Variants in TXK observed in about 807,000 individuals in gnomAD.
TXK encodes the protein tyrosine-protein kinase TXK.
In TXK, 60 loss-of-function variants were observed where a neutral mutation model predicts 81.0. The ratio of observed to expected loss-of-function variants is 0.74; its 90% CI spans 0.60 to 0.92. The LOEUF (loss-of-function observed/expected upper bound fraction) is 0.92. Ranked by LOEUF, TXK falls within the 40% of genes least tolerant of loss-of-function variation. The pLI is 0.00. For missense variants in TXK, 581 were observed against 638.3 expected, an observed-to-expected ratio of 0.91 and a Z score of 0.97; for synonymous variants, 203 against 210.7, an observed-to-expected ratio of 0.96 and a Z score of 0.32.
At position 48,071,548 on chromosome 4, in the gene TXK, A is replaced by G; in HGVS notation, c.1484T>C (p.Ile495Thr). Reference protein sequence around the residue: ...LYRPHLAPMSIYEVMYSCWHE... With the variant: ...LYRPHLAPMSTYEVMYSCWHE... ...CCAGCAGCTGTACATGACTTCATATATGGACATTGGTGCCAGGTGAGGGCG... is the reference window on the plus strand; with the variant it reads ...CCAGCAGCTGTACATGACTTCATATGTGGACATTGGTGCCAGGTGAGGGCG... The change falls in exon 14 of 15, where the codon ATA becomes ACA. Residue 495 changes from isoleucine to threonine, a missense_variant. Physicochemically the swap from Ile to Thr is moderately conservative, Grantham distance 89. Transcript: ENST00000264316. 1 of 1,614,132 alleles carries G rather than the reference A, an allele frequency of 6.2e-7. No individual in the cohort carries two copies. Among genetic ancestry groups the G allele is most frequent in the Non-Finnish European group, 8.5e-7 (1 of 1,180,004 alleles).
chr4:48,133,040 T>C (rs1030167425), intron 1 of TXK, among the ~76,000 whole-genome samples: 2 of 152,338 alleles, frequency 1.3e-5, no homozygotes, highest in South Asian at 2.1e-4. Flanking sequence ...ATTTTCTTAT[T>C]GGCTAGATAA....
chr4:48,080,662 T>TCTCA (rs370259787), intron 10 of TXK, among the ~76,000 whole-genome samples: 4 of 144,576 alleles, frequency 2.8e-5, no homozygotes, highest in Non-Finnish European at 4.5e-5. Context: ...TATTTGGTAA[T>TCTCA]CACACACACA....
rs772352230 is a variant in TXK, at chr4:48,071,688, T to C, written c.1358-14A>G. ...ACATTAAAACTCCTGCAAACAAAAA[T>C]GCAGGAAAACAAGGGGTTAGAGAGA... is the stretch of plus-strand genomic sequence containing the variant. On this transcript the variant is annotated splice_polypyrimidine_tract_variant and intron_variant, in intron 13 of 14. Coordinates refer to ENST00000264316, the MANE Select transcript of TXK (RefSeq NM_003328.3). The C allele has an allele frequency of 6.2e-7, 1 of 1,613,104 alleles. No individual in the cohort carries two copies. Among genetic ancestry groups the C allele is most frequent in the Admixed American group, 1.7e-5 (1 of 59,864 alleles).
At chr4:48,115,213 A>C (rs28625471) in intron 1 of TXK, among the ~76,000 whole-genome samples, 5 of 151,682 alleles carry the variant, frequency 3.3e-5, no homozygotes, top group African/African-American at 1.2e-4. Flanking sequence ...CCTCCACCCC[A>C]CAACAGGCCC....
chr4:48,089,699 T>C, intron 9 of TXK, 51 bp downstream of exon 9: 2 of 1,481,840 alleles, frequency 1.3e-6, no homozygotes. Context: ...GCCAGGTAGA[T>C]TCTTTACTAC....
At chr4:48,126,893 C>T (rs554157697) in intron 1 of TXK, among the ~76,000 whole-genome samples, 11 of 152,168 alleles carry the variant, frequency 7.2e-5, no homozygotes, top group Non-Finnish European at 1.5e-4. Context: ...GCTCCCTGAC[C>T]TCACAACACA....
At chr4:48,089,558 T>C (rs1033924901) in intron 9 of TXK, 192 bp downstream of exon 9, 1 of 410,468 alleles carries the variant, frequency 2.4e-6, no homozygotes, top group Non-Finnish European at 4.7e-6. Flanking sequence ...ACCCGGCTAA[T>C]TTTTTGTATT....
Position 48,067,562 on chromosome 4 carries a change from C to A in TXK, c.*75G>T. On this transcript the variant is annotated 3_prime_UTR_variant, in exon 15 of 15. Coordinates refer to ENST00000264316, the MANE Select transcript of TXK (RefSeq NM_003328.3). ...GAAGAAAGATATTCACCATAAGTGA[C>A]CCCATATGGTGAAGATATTCACAAT... 7.2e-7 allele frequency: 1 copy of A among 1,389,124 alleles called. No homozygotes were observed. Among genetic ancestry groups the A allele is most frequent in the African/African-American group, 1.4e-5 (1 of 71,012 alleles). The allele number at this position is 1,389,124 out of a possible 1,614,324, so 86.0% of individuals were successfully genotyped here. A position where few individuals can be genotyped will look rare whatever the true frequency, so the allele number is the denominator to read the frequency against.
At chr4:48,070,665 G>A (rs912979840) in intron 14 of TXK, among the ~76,000 whole-genome samples, 40 of 152,030 alleles carry the variant, frequency 2.6e-4, no homozygotes, top group African/African-American at 9.6e-4. Context: ...TGTAGCCTTT[G>A]CCTCCTGGGT....
chr4:48,113,224 A>G lies in TXK; in HGVS notation c.157T>C (p.Leu53=), dbSNP rs766595528. The stretch of plus-strand genomic sequence containing the variant: ...ATACTTACTTGCTTCTTATTTGACA[A>G]TTGGCTGAGCCACGGCCTGCGACGC... ...TQRRRPWLSQ[L]SNKKQSNTGR... Residue 53 remains leucine (L), a synonymous_variant, in exon 3 of 15, where the codon TTG becomes CTG. Coordinates refer to ENST00000264316, the MANE Select transcript of TXK (RefSeq NM_003328.3). 2.5e-6 allele frequency: 4 copies of G among 1,613,190 alleles called. No homozygotes were observed. The highest frequency in any genetic ancestry group is 3.4e-6 in the Non-Finnish European group (4 of 1,179,424).
At chr4:48,119,798 TC>T (rs1485545843) in intron 1 of TXK, among the ~76,000 whole-genome samples, 1 of 152,198 alleles carries the variant, frequency 6.6e-6, no homozygotes, top group Non-Finnish European at 1.5e-5. Context: ...ACTTAAGGAC[TC>T]TGTTGACTTT....
chr4:48,104,991 A>G (rs1267627104), intron 5 of TXK, 36 bp from the exon 6 acceptor site: 9 of 1,480,350 alleles, frequency 6.1e-6, no homozygotes, highest in Non-Finnish European at 7.3e-6. Flanking sequence ...TAAATTTTAT[A>G]TTCAATTTTT....
chr4:48,076,487 T>A, intron 11 of TXK, 21 bp from the exon 12 acceptor site: 1 of 1,601,760 alleles, frequency 6.2e-7, no homozygotes, highest in Non-Finnish European at 8.5e-7. Context: ...AAGAAAAGAA[T>A]CCAAGTTTGA....
At chr4:48,129,724 T>G (rs1279533560) in intron 1 of TXK, among the ~76,000 whole-genome samples, 1 of 152,218 alleles carries the variant, frequency 6.6e-6, no homozygotes, top group Non-Finnish European at 1.5e-5. Context: ...CAATTTTTCT[T>G]TCTTTCTCAG....
At chr4:48,119,809 T>G (rs770272589) in intron 1 of TXK, among the ~76,000 whole-genome samples, 1 of 152,192 alleles carries the variant, frequency 6.6e-6, no homozygotes, top group African/African-American at 2.4e-5. Flanking sequence ...CTGTTGACTT[T>G]GGCAGGAATG....
chr4:48,124,463 G>C (rs1241537086), intron 1 of TXK, among the ~76,000 whole-genome samples: 7 of 150,696 alleles, frequency 4.6e-5, no homozygotes, highest in Admixed American at 1.3e-4. Context: ...CTTCTCCCTA[G>C]CTTCTAGCAT....
chr4:48,082,411 A>C (rs1717343196), intron 10 of TXK, among the ~76,000 whole-genome samples: 1 of 152,200 alleles, frequency 6.6e-6, no homozygotes, highest in South Asian at 2.1e-4. Flanking sequence ...TTTCATCTGC[A>C]TAATAAACAC....
chr4:48,087,396 T>A (rs1717574663), intron 9 of TXK, among the ~76,000 whole-genome samples: 1 of 152,058 alleles, frequency 6.6e-6, no homozygotes, highest in South Asian at 2.1e-4. Context: ...ATGCAAAGTA[T>A]TCCCCCTCCC....
intron 8 of TXK, among the ~76,000 whole-genome samples, chr4:48,091,190 C>A (rs1167516098): frequency 6.6e-6 from 1 of 152,186 alleles, no homozygotes; most frequent in Admixed American, 6.5e-5. Flanking sequence ...CATTGTTGGA[C>A]TCGAAGAATT....
Sources: gnomAD v4.1 joint callset for allele counts (sites outside exome capture counted in the v4.1 genomes callset) on GRCh38, gnomAD v4.1.1 for gene constraint, MANE v1.5 for transcripts, NCBI Gene and HGNC (gene_info 2026-07-23, HGNC 2026-07-21) for gene names.